Variants in ABLIM1 observed in about 807,000 individuals in gnomAD.
ABLIM1 encodes the protein actin-binding LIM protein 1.
Under a neutral mutation model 107.0 loss-of-function variants are expected in ABLIM1, and 40 were observed. That is an observed-to-expected ratio of 0.37 (90% CI 0.29 to 0.49). ABLIM1 has a LOEUF of 0.49. ABLIM1 is among the 20% of genes least tolerant of loss of function. The pLI is 0.97. For missense variants in ABLIM1, 857 were observed against 1,008.5 expected (o/e 0.85, Z 2.04); for synonymous variants, 357 against 357.3 (o/e 1.00, Z 0.01).
chr10:114,637,407 C>T (rs766833222), intron 1 of ABLIM1, among the ~76,000 whole-genome samples: 1 of 152,190 alleles, frequency 6.6e-6, no homozygotes, highest in Non-Finnish European at 1.5e-5. Flanking sequence ...AGGACAAATT[C>T]CTAAATATCT....
intron 1 of ABLIM1, among the ~76,000 whole-genome samples, chr10:114,641,275 A>AAAG (rs1456354545): frequency 1.7e-4 from 25 of 146,118 alleles, no homozygotes; most frequent in African/African-American, 6.4e-4. Context: ...AAAAAAAAAA[A>AAAG]GTGGACTTCG....
Position 114,547,662 on chromosome 10 carries a change from T to TC in ABLIM1, c.787dup (p.Glu263GlyfsTer12). The TC allele has an allele frequency of 6.2e-7, 1 of 1,613,746 alleles. No homozygotes were observed. Among genetic ancestry groups the TC allele is most frequent in the Non-Finnish European group, 8.5e-7 (1 of 1,179,998 alleles). Reference sequence around the variant, plus strand: ...CGCCCAGCCTTACTTGCTGATGTACTCCCCGGTGAGGACCTTCCCGCAGGA... The same window carrying TC: ...CGCCCAGCCTTACTTGCTGATGTACTCCCCCGGTGAGGACCTTCCCGCAGGA... On this transcript the variant is annotated frameshift_variant, in exon 5 of 23. Transcript: ENST00000533213. LOFTEE classifies it high-confidence loss of function.
intron 18 of ABLIM1, 78 bp from the exon 19 acceptor site, chr10:114,441,155 T>C: frequency 7.0e-7 from 1 of 1,422,562 alleles, no homozygotes; most frequent in East Asian, 2.5e-5. Flanking sequence ...AGAAAGAGTT[T>C]ACAAAATCCT....
intron 1 of ABLIM1, among the ~76,000 whole-genome samples, chr10:114,648,658 T>TA (rs1453861792): frequency 6.6e-6 from 1 of 152,234 alleles, no homozygotes; most frequent in Non-Finnish European, 1.5e-5. Flanking sequence ...TCGTAAATGT[T>TA]AAAGTGGTGA....
chr10:114,468,365 C>T (rs2065663048), intron 10 of ABLIM1, 149 bp from the exon 11 acceptor site: 1 of 675,408 alleles, frequency 1.5e-6, no homozygotes, highest in Non-Finnish European at 2.6e-6. Flanking sequence ...ATCTCCGCCT[C>T]CCAGGTTCAA....
At chr10:114,561,728 A>G (rs910862455) in intron 4 of ABLIM1, among the ~76,000 whole-genome samples, 5 of 152,368 alleles carry the variant, frequency 3.3e-5, no homozygotes, top group African/African-American at 4.8e-5. Flanking sequence ...AGTTCTACTG[A>G]TAAGTTTTTA....
intron 1 of ABLIM1, among the ~76,000 whole-genome samples, chr10:114,611,975 C>T (rs1212100449): frequency 6.6e-6 from 1 of 152,134 alleles, no homozygotes; most frequent in Non-Finnish European, 1.5e-5. Context: ...GGACTGGATT[C>T]CCAGTCCTGC....
At chr10:114,440,182 A>T in intron 19 of ABLIM1, 93 bp from the exon 20 acceptor site, 1 of 1,290,794 alleles carries the variant, frequency 7.7e-7, no homozygotes, top group Non-Finnish European at 1.1e-6. Flanking sequence ...AATTCCCAAC[A>T]TATTCGCCCT....
intron 4 of ABLIM1, among the ~76,000 whole-genome samples, chr10:114,555,919 A>C (rs367944071): frequency 6.6e-6 from 1 of 152,168 alleles, no homozygotes; most frequent in Non-Finnish European, 1.5e-5. Context: ...GGCTATACAC[A>C]TGGATAAAAA....
the ABLIM1 span, among the ~76,000 whole-genome samples, chr10:114,782,481 A>C: frequency 6.6e-6 from 1 of 152,178 alleles, no homozygotes; most frequent in Non-Finnish European, 1.5e-5. Context: ...GGCAAGCCTG[A>C]CACGTTCAGA....
intron 8 of ABLIM1, among the ~76,000 whole-genome samples, chr10:114,475,227 C>T (rs2056143541): frequency 6.6e-6 from 1 of 152,164 alleles, no homozygotes; most frequent in Non-Finnish European, 1.5e-5. Context: ...CTCATCCTCG[C>T]TTACTGCTCC....
chr10:114,634,862 A>G (rs1381447393), intron 1 of ABLIM1, among the ~76,000 whole-genome samples: 3 of 152,230 alleles, frequency 2.0e-5, no homozygotes, highest in Admixed American at 6.5e-5. Context: ...GTGTATTACT[A>G]AAGTTATTTT....
At chr10:114,579,280 T>C (rs902965634) in intron 2 of ABLIM1, among the ~76,000 whole-genome samples, 1 of 152,204 alleles carries the variant, frequency 6.6e-6, no homozygotes, top group African/African-American at 2.4e-5. Flanking sequence ...TTATGCTATG[T>C]CCAGTCTATG....
intron 6 of ABLIM1, among the ~76,000 whole-genome samples, chr10:114,540,443 G>A (rs925866547): frequency 1.4e-4 from 22 of 152,168 alleles, no homozygotes; most frequent in South Asian, 4.1e-4. Context: ...CAACTGAGCC[G>A]CTGGTGCTCG....
chr10:114,636,281 G>T (rs1202416848), intron 1 of ABLIM1, among the ~76,000 whole-genome samples: 1 of 152,140 alleles, frequency 6.6e-6, no homozygotes, highest in African/African-American at 2.4e-5. Flanking sequence ...AGCAGGGAGA[G>T]GCTCAAGATG....
chr10:114,549,210 C>G (rs952661220), intron 4 of ABLIM1, among the ~76,000 whole-genome samples: 2 of 152,116 alleles, frequency 1.3e-5, no homozygotes, highest in Non-Finnish European at 2.9e-5. Flanking sequence ...TGTGGTGAAA[C>G]CCTGTCTCTA....
intron 6 of ABLIM1, 115 bp from the exon 7 acceptor site, chr10:114,491,993 T>C (rs2059064035): frequency 3.4e-6 from 3 of 874,518 alleles, no homozygotes; most frequent in South Asian, 4.3e-5. Flanking sequence ...GAAAAATAAT[T>C]GTCTAATTGA....
intron 12 of ABLIM1, chr10:114,463,130 G>A (rs751057167): frequency 2.1e-5 from 27 of 1,316,844 alleles, no homozygotes; most frequent in Non-Finnish European, 2.7e-5. Flanking sequence ...TGGTGCGCAG[G>A]TACGACAACC....
At chr10:114,726,708 G>C (rs1287872748) in intron 1 of ABLIM1, among the ~76,000 whole-genome samples, 1 of 152,120 alleles carries the variant, frequency 6.6e-6, no homozygotes, top group Non-Finnish European at 1.5e-5. Flanking sequence ...CTTGAACTGG[G>C]AGACAGAGGT....
Sources: allele counts gnomAD v4.1 joint callset (sites outside exome capture counted in the v4.1 genomes callset), GRCh38; gene constraint gnomAD v4.1.1; transcripts MANE v1.5; gene names NCBI Gene and HGNC (gene_info 2026-07-23, HGNC 2026-07-21).